The following MRPS17 variants were observed in gnomAD, a reference collection of about 807,000 sequenced individuals.
MRPS17 encodes mitochondrial ribosomal protein S17.
In MRPS17, 6 loss-of-function variants were observed where a neutral mutation model predicts 11.3. The ratio of observed to expected loss-of-function variants is 0.53; its 90% confidence interval spans 0.29 to 1.05. The LOEUF (loss-of-function observed/expected upper bound fraction) is 1.05. Ranked by LOEUF, MRPS17 falls within the 50% of genes least tolerant of loss-of-function variation. The pLI is 0.08. For missense variants in MRPS17, 139 were observed against 153.6 expected, an observed-to-expected ratio of 0.90 and a Z score of 0.50; for synonymous variants, 56 against 60.4, an observed-to-expected ratio of 0.93 and a Z score of 0.34.
At chr7:55,952,933 G>A (rs912920515) in intron 1 of MRPS17, among the ~76,000 whole-genome samples, 5 of 151,976 alleles carry the variant, frequency 3.3e-5, no homozygotes, top group African/African-American at 1.2e-4. Flanking sequence ...TCGGGAGGCT[G>A]AGGCAGGAGA....
intron 2 of MRPS17, among the ~76,000 whole-genome samples, chr7:55,953,902 G>T (rs1786688272): frequency 6.6e-6 from 1 of 152,178 alleles, no homozygotes; most frequent in Non-Finnish European, 1.5e-5. Flanking sequence ...AGCGCAGGCG[G>T]TAATACTCAT....
rs754544565 is a variant in MRPS17 at position 55,953,263 on chromosome 7, A to G, written c.68A>G (p.Gln23Arg). 3 of 1,614,190 alleles carry G rather than the reference A, an allele frequency of 1.9e-6. No individual in the cohort carries two copies. Among genetic ancestry groups the G allele is most frequent in the East Asian group, 2.2e-5 (1 of 44,876 alleles). Residue 23 changes from glutamine to arginine, a missense_variant, in exon 2 of 3, where the codon CAA (glutamine) becomes CGA (arginine). Physicochemically the swap from Gln to Arg is conservative, Grantham distance 43 (BLOSUM62 1). Coordinates refer to ENST00000285298, the MANE Select transcript of MRPS17 (RefSeq NM_015969.3). ...GGGAAGGTGATTGGGACAAAAATGC[A>G]AAAGACTGCTAAAGTGAGAGTGACC... ...IVGKVIGTKM[Q>R]KTAKVRVTRL...
At position 55,955,440 on chromosome 7, in the gene MRPS17, G is replaced by T. The variant is rs1786713318; in HGVS notation, c.*262G>T. On this transcript the variant is annotated 3_prime_UTR_variant, in exon 3 of 3. Transcript: ENST00000285298. ...GTCTGTTGCATTTTGTAAGCTCACA[G>T]TTTTTTGTTTTGAGATGGAATCTCA... 2.5e-6 allele frequency: 1 copy of T among 400,922 alleles called. No individual in the cohort carries two copies. Among genetic ancestry groups the T allele is most frequent in the Non-Finnish European group, 4.5e-6 (1 of 221,518 alleles). The allele number at this position is 400,922 out of a possible 1,614,324, so 24.8% of individuals were successfully genotyped here.
Position 55,953,394 on chromosome 7 carries a change from A to G in MRPS17, c.123+76A>G, listed in dbSNP as rs568808387. 3.8e-6 allele frequency: 6 copies of G among 1,569,684 alleles called. No individual in the cohort carries two copies. The Admixed American group carries it at 7.3e-5, about 19-fold the overall frequency. ...CTGGGTCCTAAGCAAAAAAACATTT[A>G]TCTCTCAGTAAAGATGTCTTGTCTC... On this transcript the variant is annotated intron_variant, in intron 2 of 2. Coordinates refer to ENST00000285298, the MANE Select transcript of MRPS17 (RefSeq NM_015969.3).
Position 55,955,087 on chromosome 7 carries a change from C to T in MRPS17, c.302C>T (p.Ala101Val). 1 of 1,614,164 alleles carries T rather than the reference C, an allele frequency of 6.2e-7. No homozygotes were observed. Among genetic ancestry groups the T allele is most frequent in the Non-Finnish European group, 8.5e-7 (1 of 1,180,044 alleles). ...VIDPVTGKPC[A>V]GTTYLESPLS... ...GATCCAGTGACAGGAAAGCCCTGTG[C>T]TGGAACTACCTACCTGGAGAGTCCG... The change falls in exon 3 of 3, where the codon GCT (alanine) becomes GTT (valine). Residue 101 changes from alanine to valine, a missense_variant. Transcript: ENST00000285298.
chr7:55,953,309 T>C lies in MRPS17; in HGVS notation c.114T>C (p.Tyr38=), dbSNP rs148732561. Residue 38 remains tyrosine, a synonymous_variant, in exon 2 of 3, where the codon TAT becomes TAC. Transcript: ENST00000285298. ...TGACCAGGCTTGTTCTGGATCCCTATTTATTAAAGGTGAGAAACATTCTTG... is the reference window on the plus strand; with the variant it reads ...TGACCAGGCTTGTTCTGGATCCCTACTTATTAAAGGTGAGAAACATTCTTG... The part of the protein sequence containing the change: ...VRVTRLVLDP[Y]LLKYFNKRKT... The C allele has an allele frequency of 5.9e-5, 95 of 1,613,940 alleles. No individual in the cohort carries two copies. The African/African-American group carries it at 1.1e-3, about 18-fold the overall frequency.
At position 55,955,383 on chromosome 7, in the gene MRPS17, A is replaced by G. The variant is rs1786712597; in HGVS notation, c.*205A>G. 3.2e-6 allele frequency: 2 copies of G among 623,038 alleles called. No homozygotes were observed. The highest frequency in any genetic ancestry group is 3.1e-5 in the Admixed American group (1 of 31,962). The allele number at this position is 623,038 out of a possible 1,614,324, so 38.6% of individuals were successfully genotyped here. On this transcript the variant is annotated 3_prime_UTR_variant, in exon 3 of 3. Transcript: ENST00000285298. Reference sequence around the variant, plus strand: ...TCAAATTTTCATCATTTCAGTGAACATACTTCCACGTTACATTAAGTGTGC... The same window carrying G: ...TCAAATTTTCATCATTTCAGTGAACGTACTTCCACGTTACATTAAGTGTGC...
In MRPS17 at chr7:55,955,316, A is replaced by G; in HGVS notation, c.*138A>G. On this transcript the variant is annotated 3_prime_UTR_variant, in exon 3 of 3. Transcript: ENST00000285298. ...GAAATAGCTAAAAGCAAATGAAGTA[A>G]AGGGCATACTATGGTTTTTCACAAA... is the stretch of plus-strand genomic sequence containing the variant. The G allele has an allele frequency of 9.5e-7, 1 of 1,048,610 alleles. No individual in the cohort carries two copies. Among genetic ancestry groups the G allele is most frequent in the Non-Finnish European group, 1.4e-6 (1 of 729,438 alleles). The allele number at this position is 1,048,610 out of a possible 1,614,324, so 65.0% of individuals were successfully genotyped here. A position where few individuals can be genotyped will look rare whatever the true frequency, so the allele number is the denominator to read the frequency against.
Position 55,955,168 on chromosome 7 carries a change from C to T in MRPS17, c.383C>T (p.Ser128Leu). The change falls in exon 3 of 3, where the codon TCA becomes TTA. Residue 128 changes from serine (S) to leucine (L), a missense_variant. Transcript: ENST00000285298. ...AATCTGGAAGAACTCAATATCTCTT[C>T]AGCACAGTGAAGCGGGAGTGGAAGA... The part of the protein sequence containing the change: ...SKNLEELNIS[S>L]AQ 2 of 1,613,510 alleles carry T rather than the reference C, an allele frequency of 1.2e-6. No homozygotes were observed. The highest frequency in any genetic ancestry group is 1.7e-6 in the Non-Finnish European group (2 of 1,179,556).
intron 2 of MRPS17, among the ~76,000 whole-genome samples, chr7:55,954,688 G>A (rs1360902996): frequency 3.9e-5 from 6 of 152,182 alleles, no homozygotes; most frequent in African/African-American, 1.2e-4. Flanking sequence ...AGCTGAGATC[G>A]TGCCATTGCA....
intron 2 of MRPS17, among the ~76,000 whole-genome samples, 192 bp downstream of exon 2, chr7:55,953,510 C>A (rs981604868): frequency 6.6e-6 from 1 of 152,164 alleles, no homozygotes; most frequent in Non-Finnish European, 1.5e-5. Flanking sequence ...TCCACTCTAA[C>A]TGCTGTAGTC....
In MRPS17 at chr7:55,954,984, A is replaced by C; in HGVS notation, c.199A>C (p.Arg67=). Residue 67 remains arginine (R), a synonymous_variant, in exon 3 of 3, where the codon AGA becomes CGA. Transcript: ENST00000285298. ...QCTVGDIVLL[R]ALPVPRAKHV... Reference sequence around the variant, plus strand: ...CACAGTTGGGGATATTGTGCTTCTCAGAGCTTTACCTGTTCCACGAGCAAA... The same window carrying C: ...CACAGTTGGGGATATTGTGCTTCTCCGAGCTTTACCTGTTCCACGAGCAAA... 1 of 1,614,198 alleles carries C rather than the reference A, an allele frequency of 6.2e-7. No homozygotes were observed. The highest frequency in any genetic ancestry group is 8.5e-7 in the Non-Finnish European group (1 of 1,180,032).
chr7:55,953,544 G>A (rs1189479735), intron 2 of MRPS17, among the ~76,000 whole-genome samples: 1 of 152,156 alleles, frequency 6.6e-6, no homozygotes, highest in Non-Finnish European at 1.5e-5. Context: ...AGTACTGGCC[G>A]GATGAGGTGG....
chr7:55,952,319 G>A, intron 1 of MRPS17: 1 of 152,290 alleles, frequency 6.6e-6, no homozygotes. Context: ...GCACTCCTGC[G>A]AAATAGGCCT....
At position 55,955,600 on chromosome 7, in the gene MRPS17, A is replaced by ATTT. The variant is rs35194140; in HGVS notation, c.*439_*441dup. The stretch of plus-strand genomic sequence containing the variant: ...AGGCGCCTGCCACCATGCCCAGCTA[A>ATTT]TTTTTTTTTTTTTTTTTTTGGTATT... On this transcript the variant is annotated 3_prime_UTR_variant, in exon 3 of 3. Transcript: ENST00000285298. 8.0e-5 allele frequency: 11 copies of ATTT among 137,120 alleles called. No homozygotes were observed. The highest frequency in any genetic ancestry group is 1.7e-4 in the Non-Finnish European group (11 of 65,698). 8.5% of individuals were successfully genotyped at this position (137,120 alleles called of 1,614,324 possible).
chr7:55,952,619 C>T (rs1786656187), intron 1 of MRPS17, among the ~76,000 whole-genome samples: 1 of 151,948 alleles, frequency 6.6e-6, no homozygotes, highest in Non-Finnish European at 1.5e-5. Flanking sequence ...CCTGTAGTCC[C>T]GGCTACTCGG....
chr7:55,951,898 C>G lies in MRPS17; in HGVS notation c.-50C>G, dbSNP rs938164987. ...CGCCATCCCGCTGCGACCGGCGCTC[C>G]CCGGGGCAGGTGGCTGCATAGTCTT... On this transcript the variant is annotated 5_prime_UTR_variant, in exon 1 of 3. Transcript: ENST00000285298. The G allele has an allele frequency of 2.0e-5, 3 of 152,638 alleles. No individual in the cohort carries two copies. Among genetic ancestry groups the G allele is most frequent in the African/African-American group, 7.2e-5 (3 of 41,462 alleles). The allele number at this position is 152,638 out of a possible 1,614,324, so 9.5% of individuals were successfully genotyped here. A position where few individuals can be genotyped will look rare whatever the true frequency, so the allele number is the denominator to read the frequency against.
chr7:55,953,740 T>G (rs1786684922), intron 2 of MRPS17, among the ~76,000 whole-genome samples: 1 of 152,184 alleles, frequency 6.6e-6, no homozygotes, highest in South Asian at 2.1e-4. Context: ...GAGAATCTCT[T>G]GAAGCCGGGA....
intron 2 of MRPS17, among the ~76,000 whole-genome samples, chr7:55,953,608 G>T (rs528397197): frequency 2.6e-5 from 4 of 152,250 alleles, no homozygotes; most frequent in Non-Finnish European, 4.4e-5. Context: ...GATCACCTGA[G>T]ATCAGGAGTT....
Sources: gnomAD v4.1 joint callset for allele counts (sites outside exome capture counted in the v4.1 genomes callset) on GRCh38, gnomAD v4.1.1 for gene constraint, MANE v1.5 for transcripts, NCBI Gene and HGNC (gene_info 2026-07-23, HGNC 2026-07-21) for gene names.